Variants in PSMG4 observed in about 807,000 individuals in gnomAD.
The protein encoded by PSMG4 is proteasome assembly chaperone 4.
In PSMG4, 10 loss-of-function variants were observed where a neutral mutation model predicts 11.0. That is an observed-to-expected ratio of 0.91 (90% CI 0.56 to 1.54). PSMG4 has a LOEUF of 1.54. Among genes scored for constraint, PSMG4 ranks in the 40% most tolerant of loss-of-function variants. The probability of loss-of-function intolerance (pLI) is 0.00; values close to 1 mark genes in which losing one functional copy is unlikely to be tolerated. For missense variants in PSMG4, 198 were observed against 160.9 expected (o/e 1.23, Z -1.25); for synonymous variants, 95 against 71.3 (o/e 1.33, Z -1.68).
upstream of PSMG4, chr6:3,254,914 G>T: frequency 2.2e-6 from 2 of 922,962 alleles, no homozygotes; most frequent in Non-Finnish European, 1.6e-6. Flanking sequence ...TCTCTGAGCT[G>T]GTGCTTCAGC....
upstream of PSMG4, among the ~76,000 whole-genome samples, chr6:3,254,582 A>G (rs1016238082): frequency 1.1e-4 from 16 of 152,284 alleles, no homozygotes; most frequent in Admixed American, 8.5e-4. Flanking sequence ...CTGGGAACCC[A>G]ACGATGGAAG....
At chr6:3,264,070 G>C (rs1172338823) in intron 2 of PSMG4, 2 of 1,455,198 alleles carry the variant, frequency 1.4e-6, no homozygotes, top group African/African-American at 2.8e-5. Flanking sequence ...TGGGAGGAGA[G>C]CATGAGAAGT....
chr6:3,255,934 T>C (rs1422471284), upstream of PSMG4, among the ~76,000 whole-genome samples: 1 of 152,224 alleles, frequency 6.6e-6, no homozygotes, highest in African/African-American at 2.4e-5. Flanking sequence ...TCACGTACCA[T>C]GTACCTATGG....
At chr6:3,255,453 ACC>A (rs1389855128), upstream of PSMG4, among the ~76,000 whole-genome samples, 4 of 79,692 alleles carry the variant, frequency 5.0e-5, no homozygotes, top group East Asian at 9.3e-4. Flanking sequence ...TCAGACCACC[ACC>A]TCTTTTATCT....
intron 1 of PSMG4, among the ~76,000 whole-genome samples, chr6:3,259,948 C>T (rs1490385070): frequency 1.3e-5 from 2 of 152,156 alleles, no homozygotes; most frequent in South Asian, 4.1e-4. Context: ...GGTTTATTCT[C>T]AAAGATCTGT....
upstream of PSMG4, among the ~76,000 whole-genome samples, chr6:3,257,442 T>G (rs1156698570): frequency 6.6e-6 from 1 of 152,200 alleles, no homozygotes; most frequent in Non-Finnish European, 1.5e-5. Context: ...CCTTGAACTC[T>G]CCACCGGTCG....
intron 2 of PSMG4, 181 bp from the exon 3 acceptor site, chr6:3,267,410 G>T (rs35977758): frequency 0.087 from 47,321 of 546,120 alleles, 5,010 homozygotes; most frequent in African/African-American, 0.39. Context: ...ACTGGGAGAG[G>T]CCTGAGTGAC....
At chr6:3,256,005 C>T (rs1757749839), upstream of PSMG4, among the ~76,000 whole-genome samples, 2 of 152,202 alleles carry the variant, frequency 1.3e-5, no homozygotes, top group African/African-American at 2.4e-5. Flanking sequence ...ATGGGGATTG[C>T]TTCTTGGTTG....
At chr6:3,260,291 A>ATATTTT in intron 1 of PSMG4, among the ~76,000 whole-genome samples, 1 of 70,840 alleles carries the variant, frequency 1.4e-5, no homozygotes, top group African/African-American at 5.5e-5. Flanking sequence ...ATATATATAT[A>ATATTTT]TTTTTTTTTT....
At chr6:3,265,954 C>T (rs568259458) in intron 2 of PSMG4, 43 of 150,750 alleles carry the variant, frequency 2.9e-4, no homozygotes, top group African/African-American at 7.6e-4. Flanking sequence ...ACAGCTTTAC[C>T]GAGACGTAAA....
chr6:3,267,682 A>G lies in PSMG4; in HGVS notation c.342A>G (p.Glu114=), dbSNP rs1758250232. The G allele has an allele frequency of 6.4e-7, 1 of 1,552,292 alleles. No homozygotes were observed. The highest frequency in any genetic ancestry group is 1.7e-4 in the Middle Eastern group (1 of 5,998). ...TACTTGTAGAAAACAGGATCAAGGA[A>G]GAGATGGAGGCTTTCCCCGAAAAGT... The part of the protein sequence containing the change: ...FALLVENRIK[E]EMEAFPEKF Residue 114 remains glutamate (E), a synonymous_variant, in exon 3 of 3, where the codon GAA becomes GAG. Transcript: ENST00000438998.
chr6:3,254,529 A>AT (rs1328884447), upstream of PSMG4, among the ~76,000 whole-genome samples: 3 of 151,562 alleles, frequency 2.0e-5, no homozygotes, highest in African/African-American at 7.3e-5. Context: ...AGCTGTAACA[A>AT]TTATCTGGAA....
At position 3,263,696 on chromosome 6, in the gene PSMG4, G is replaced by A. The variant is rs781280523; in HGVS notation, c.187G>A (p.Val63Met). The change falls in exon 2 of 3, where the codon GTG (valine) becomes ATG (methionine). Residue 63 changes from valine (V) to methionine (M), a missense_variant. By Grantham distance (21) the Val-to-Met change is conservative. Coordinates refer to ENST00000438998, the MANE Select transcript of PSMG4 (RefSeq NM_001128591.2). ...AMCSRYDSIP[V>M]STSLLGDTSD... ...GCTTTTCTTTTAGGACTCCATCCCC[G>A]TGTCTACCTCCCTCCTTGGAGACAC... 2.5e-5 allele frequency: 38 copies of A among 1,549,092 alleles called. No individual in the cohort carries two copies. Among genetic ancestry groups the A allele is most frequent in the African/African-American group, 5.5e-5 (4 of 73,064 alleles).
At chr6:3,254,717 A>C (rs1033797767), upstream of PSMG4, among the ~76,000 whole-genome samples, 11 of 152,178 alleles carry the variant, frequency 7.2e-5, no homozygotes, top group Non-Finnish European at 1.6e-4. Flanking sequence ...GCGCCTGGAC[A>C]CCAGAAAAAA....
At chr6:3,257,025 G>A (rs1172343473), upstream of PSMG4, among the ~76,000 whole-genome samples, 1 of 152,288 alleles carries the variant, frequency 6.6e-6, no homozygotes, top group Non-Finnish European at 1.5e-5. Flanking sequence ...GTACAAGGAG[G>A]GACATCTTTA....
chr6:3,259,821 T>G (rs752629992), intron 1 of PSMG4, among the ~76,000 whole-genome samples: 50 of 152,278 alleles, frequency 3.3e-4, no homozygotes, highest in Middle Eastern at 3.4e-3. Context: ...GCCTGGGACA[T>G]TATCATTTCC....
At chr6:3,261,534 T>C (rs1757990927) in intron 1 of PSMG4, among the ~76,000 whole-genome samples, 1 of 152,280 alleles carries the variant, frequency 6.6e-6, no homozygotes, top group South Asian at 2.1e-4. Context: ...CAGTGAGGTA[T>C]ATTTTCTCAT....
intron 1 of PSMG4, among the ~76,000 whole-genome samples, chr6:3,260,145 C>T (rs995356780): frequency 6.6e-6 from 1 of 151,778 alleles, no homozygotes; most frequent in Admixed American, 6.6e-5. Context: ...CACTATTTTG[C>T]CCAGGCTGTT....
chr6:3,267,548 A>G (rs1305753569), intron 2 of PSMG4, 43 bp from the exon 3 acceptor site: 1 of 1,545,302 alleles, frequency 6.5e-7, no homozygotes, highest in Non-Finnish European at 8.8e-7. Context: ...CGGGGCCTGC[A>G]GTATTTCAGG....
Sources: allele counts gnomAD v4.1 joint callset (sites outside exome capture counted in the v4.1 genomes callset), GRCh38; gene constraint gnomAD v4.1.1; transcripts MANE v1.5; gene names NCBI Gene and HGNC (gene_info 2026-07-23, HGNC 2026-07-21).